Variants in C20orf96 observed in about 807,000 individuals in gnomAD.
C20orf96 encodes the protein chromosome 20 open reading frame 96.
C20orf96 carries 57 observed loss-of-function variants against 52.6 expected under a neutral mutation model. The observed-to-expected ratio is 1.08, with a 90% CI of 0.88 to 1.35. C20orf96 has a LOEUF of 1.35. C20orf96 is among the 40% of genes most tolerant of loss of function. The probability of loss-of-function intolerance (pLI) is 0.00; values close to 1 mark genes in which losing one functional copy is unlikely to be tolerated. For missense variants in C20orf96, 478 were observed against 443.6 expected (o/e 1.08, Z -0.70); for synonymous variants, 168 against 157.2 (o/e 1.07, Z -0.51).
At position 284,147 on chromosome 20, in the gene C20orf96, G is replaced by A. The variant is rs186161988; in HGVS notation, c.188-66C>T. ...CCGGAAGGCCTGAGGCCAGGTTCCC[G>A]GGAGTGCACCATTAATGAGAGGAGG... On this transcript the variant is annotated intron_variant, in intron 3 of 10. Coordinates refer to ENST00000360321, the MANE Select transcript of C20orf96 (RefSeq NM_153269.3). The A allele has an allele frequency of 3.5e-5, 42 of 1,212,190 alleles. No individual in the cohort carries two copies. In the Middle Eastern group the frequency reaches 9.0e-4, roughly 26 times the overall value. The allele number at this position is 1,212,190 out of a possible 1,614,324, so 75.1% of individuals were successfully genotyped here.
At chr20:275,930 T>C (rs2012003330) in intron 10 of C20orf96, 38 bp downstream of exon 10, 1 of 1,573,886 alleles carries the variant, frequency 6.4e-7, no homozygotes, top group Admixed American at 1.7e-5. Flanking sequence ...GCTCAGAGTG[T>C]GACTGGTTTA....
chr20:285,093 T>C (rs768132303), intron 3 of C20orf96, among the ~76,000 whole-genome samples: 3 of 152,214 alleles, frequency 2.0e-5, no homozygotes, highest in Non-Finnish European at 4.4e-5. Context: ...ACATTACCAG[T>C]TGTTACTCTT....
In C20orf96 at chr20:272,645, C is replaced by G. The variant is rs1042535016; in HGVS notation, c.1032-1378G>C. On this transcript the variant is annotated intron_variant, in intron 10 of 10. Transcript: ENST00000360321. ...CACTGGGATTACAGGTGTGAGCCAC[C>G]ATGCCTGCCTCCAAATAAACTTTTT... Among the ~76,000 whole-genome samples the G allele has an allele frequency of 2.0e-5, 3 of 152,146 alleles. No individual in the cohort carries two copies. The East Asian group carries it at 5.8e-4, about 29-fold the overall frequency.
At chr20:274,309 G>A (rs77889610) in intron 10 of C20orf96, among the ~76,000 whole-genome samples, 4,700 of 152,096 alleles carry the variant, frequency 0.031, 248 homozygotes, top group African/African-American at 0.11. Flanking sequence ...CTTTTGGAAA[G>A]GGGGTATGAC....
chr20:274,830 T>A (rs942083650), intron 10 of C20orf96, among the ~76,000 whole-genome samples: 8 of 151,286 alleles, frequency 5.3e-5, no homozygotes, highest in African/African-American at 9.7e-5. Context: ...TAAAAAAAAA[T>A]TTTTTTTTAG....
chr20:280,061 G>A lies in C20orf96; in HGVS notation c.307-731C>T, dbSNP rs114687352. 6.1e-3 allele frequency among the ~76,000 whole-genome samples: 926 copies of A among 152,252 alleles called. 9 individuals carry two copies. The highest frequency in any genetic ancestry group is 0.027 in the South Asian group (129 of 4,820). On this transcript the variant is annotated intron_variant, in intron 4 of 10. Coordinates refer to ENST00000360321, the MANE Select transcript of C20orf96 (RefSeq NM_153269.3). ...GAGGAGAAGCAGGGGAGGCAAAATGGATGATAAACGTCAGCATTTCCGGGC... is the reference window on the plus strand; with the variant it reads ...GAGGAGAAGCAGGGGAGGCAAAATGAATGATAAACGTCAGCATTTCCGGGC...
At chr20:289,376 T>C (rs2012477223) in intron 3 of C20orf96, among the ~76,000 whole-genome samples, 183 bp downstream of exon 3, 1 of 152,204 alleles carries the variant, frequency 6.6e-6, no homozygotes. Context: ...CCCTCCTTCC[T>C]CAGATCCACA....
At chr20:289,775 C>G in intron 2 of C20orf96, 99 bp from the exon 3 acceptor site, 2 of 801,828 alleles carry the variant, frequency 2.5e-6, no homozygotes, top group Non-Finnish European at 4.0e-6. Flanking sequence ...TTGACCTCTC[C>G]TGAGCCTCAA....
chr20:283,919 G>T, intron 4 of C20orf96, 44 bp downstream of exon 4: 17 of 1,366,664 alleles, frequency 1.2e-5, no homozygotes, highest in Non-Finnish European at 1.8e-5. Context: ...CATCATCCCC[G>T]TCCCTGTCCT....
At chr20:276,410 A>G (rs1297261640) in intron 9 of C20orf96, 1 of 985,242 alleles carries the variant, frequency 1.0e-6, no homozygotes, top group African/African-American at 1.7e-5. Context: ...AAACCAGTGA[A>G]GAGGCAAGAT....
chr20:273,881 AGAAGGAAGG>A (rs1288851409), intron 10 of C20orf96, among the ~76,000 whole-genome samples: 26 of 97,628 alleles, frequency 2.7e-4, no homozygotes, highest in South Asian at 1.1e-3. Flanking sequence ...TGTCTCAAGA[AGAAGGAAGG>A]AAGAAAGGAA....
intron 10 of C20orf96, among the ~76,000 whole-genome samples, chr20:272,205 A>AAT (rs796693448): frequency 4.7e-4 from 72 of 152,262 alleles, no homozygotes; most frequent in African/African-American, 1.4e-3. Context: ...AATAGTAAAA[A>AAT]AAAAAAGTTC....
Position 290,277 on chromosome 20 carries a change from G to A in C20orf96, c.51C>T (p.Val17=). ...KPKHSGTHSI[V]QEFQVPDYVP... is the part of the protein sequence containing the mutation. ...GACTCACCGGAACCTGGAACTCCTG[G>A]ACTATGGAGTGAGTCCCAGAGTGCT... is the stretch of plus-strand genomic sequence containing the variant. The change falls in exon 2 of 11, where the codon GTC becomes GTT. Residue 17 remains valine (V), a synonymous_variant. Transcript: ENST00000360321. 6.2e-7 allele frequency: 1 copy of A among 1,612,754 alleles called. No homozygotes were observed. The highest frequency in any genetic ancestry group is 8.5e-7 in the Non-Finnish European group (1 of 1,179,370).
chr20:282,736 G>T (rs2012283649), intron 4 of C20orf96, among the ~76,000 whole-genome samples: 1 of 152,134 alleles, frequency 6.6e-6, no homozygotes, highest in Non-Finnish European at 1.5e-5. Flanking sequence ...GCTGGGCGTG[G>T]TGGTGGGCGC....
intron 3 of C20orf96, among the ~76,000 whole-genome samples, chr20:289,039 G>A (rs749474223): frequency 1.5e-4 from 23 of 152,182 alleles, no homozygotes; most frequent in Non-Finnish European, 3.1e-4. Context: ...ATGTGGCAGA[G>A]TTTATTCTAC....
At chr20:275,612 C>T (rs2011992457) in intron 10 of C20orf96, among the ~76,000 whole-genome samples, 1 of 152,188 alleles carries the variant, frequency 6.6e-6, no homozygotes, top group Admixed American at 6.5e-5. Flanking sequence ...GAGTGTCTTC[C>T]AGGCTATTCT....
At position 271,166 on chromosome 20, in the gene C20orf96, G is replaced by A. The variant is rs576271342; in HGVS notation, c.*41C>T. The A allele has an allele frequency of 2.9e-5, 44 of 1,505,048 alleles. No homozygotes were observed. The highest frequency in any genetic ancestry group is 3.6e-5 in the Non-Finnish European group (40 of 1,104,968). The allele number at this position is 1,505,048 out of a possible 1,614,324, so 93.2% of individuals were successfully genotyped here. ...AAATGATCCAAGGCTCCAGGTGCTG[G>A]GAAGAGAGCAGGAGGGGAGGGCGGC... On this transcript the variant is annotated 3_prime_UTR_variant, in exon 11 of 11. Coordinates refer to ENST00000360321, the MANE Select transcript of C20orf96 (RefSeq NM_153269.3).
intron 3 of C20orf96, among the ~76,000 whole-genome samples, chr20:285,688 TCTC>T (rs1194759910): frequency 2.6e-5 from 4 of 152,210 alleles, no homozygotes; most frequent in African/African-American, 9.6e-5. Context: ...TTCAAGCAAT[TCTC>T]CTGCCTCAGC....
intron 3 of C20orf96, among the ~76,000 whole-genome samples, chr20:284,793 G>C (rs1441325163): frequency 2.0e-5 from 3 of 152,212 alleles, no homozygotes; most frequent in Non-Finnish European, 2.9e-5. Flanking sequence ...GGAGGCGGAG[G>C]TTGCAGTGGT....
Sources: allele counts gnomAD v4.1 joint callset (sites outside exome capture counted in the v4.1 genomes callset), GRCh38; gene constraint gnomAD v4.1.1; transcripts MANE v1.5; gene names NCBI Gene and HGNC (gene_info 2026-07-23, HGNC 2026-07-21).